SMPDL3A: variants seen among roughly 807,000 people sequenced by gnomAD.
SMPDL3A encodes sphingomyelin phosphodiesterase acid like 3A.
In SMPDL3A, 39 loss-of-function variants were observed where a neutral mutation model predicts 38.5. The observed-to-expected ratio is 1.01, with a 90% confidence interval of 0.78 to 1.32. The LOEUF (loss-of-function observed/expected upper bound fraction) is 1.32. Ranked by LOEUF, SMPDL3A falls within the 40% of genes most tolerant of loss-of-function variation. The pLI is 0.00. For synonymous variants in SMPDL3A, 180 were observed against 194.3 expected (o/e 0.93, Z 0.61); for missense variants, 502 against 536.2 (o/e 0.94, Z 0.63).
chr6:122,789,531 G>C, intron 1 of SMPDL3A, 73 bp downstream of exon 1: 2 of 1,312,100 alleles, frequency 1.5e-6, no homozygotes, highest in Non-Finnish European at 2.1e-6. Context: ...CACAGCAGGA[G>C]AAAGTGCGTG....
chr6:122,804,912 T>A lies in SMPDL3A; in HGVS notation c.742T>A (p.Tyr248Asn), dbSNP rs1487933420. 6.2e-7 allele frequency: 1 copy of A among 1,608,384 alleles called. No individual in the cohort carries two copies. Among genetic ancestry groups the A allele is most frequent in the Non-Finnish European group, 8.5e-7 (1 of 1,178,430 alleles). ...NNSQQNKEKV[Y>N]IIAHVPVGYL... ...CTTTTTGTGTTTCTTTTTCCAGGTG[T>A]ATATCATAGCACATGTTCCAGTGGG... Residue 248 changes from tyrosine to asparagine, a missense_variant, in exon 6 of 8, where the codon TAT becomes AAT. By Grantham distance (143) the Tyr-to-Asn change is moderately radical. Transcript: ENST00000368440.
chr6:122,795,774 C>T lies in SMPDL3A; in HGVS notation c.210C>T (p.Ala70=). ...KVCASSKGAN[A]SNPGPFGDVL... ...GTGCTTCATCTAAAGGTGCAAATGC[C>T]TCCAACCCTGGCCCTTTTGGAGATG... is the stretch of plus-strand genomic sequence containing the variant. Residue 70 remains alanine (A), a synonymous_variant, in exon 2 of 8, where the codon GCC becomes GCT. Transcript: ENST00000368440. 3 of 1,614,110 alleles carry T rather than the reference C, an allele frequency of 1.9e-6. No individual in the cohort carries two copies. The South Asian group carries it at 3.3e-5, about 18-fold the overall frequency.
At chr6:122,805,543 A>T (rs981583863) in intron 6 of SMPDL3A, among the ~76,000 whole-genome samples, 6 of 152,236 alleles carry the variant, frequency 3.9e-5, no homozygotes, top group African/African-American at 1.4e-4. Flanking sequence ...TCTTATTGAT[A>T]CATATATAAG....
At chr6:122,793,484 G>T (rs1398596052) in intron 1 of SMPDL3A, among the ~76,000 whole-genome samples, 1 of 152,152 alleles carries the variant, frequency 6.6e-6, no homozygotes, top group Non-Finnish European at 1.5e-5. Context: ...ACATGTTCAC[G>T]TTAAAATGAT....
chr6:122,809,490 A>G lies in SMPDL3A; in HGVS notation c.*82A>G. 9.6e-7 allele frequency: 1 copy of G among 1,046,538 alleles called. No homozygotes were observed. The highest frequency in any genetic ancestry group is 2.5e-5 in the East Asian group (1 of 40,646). 64.8% of individuals were successfully genotyped at this position (1,046,538 alleles called of 1,614,324 possible). ...GGGAATTTTACATAAATCTTTGTTA[A>G]TTACTGAGTGGGCAAGTAGACTTCC... On this transcript the variant is annotated 3_prime_UTR_variant, in exon 8 of 8. Coordinates refer to ENST00000368440, the MANE Select transcript of SMPDL3A (RefSeq NM_006714.5).
chr6:122,789,701 G>A (rs1781003404), intron 1 of SMPDL3A: 1 of 478,722 alleles, frequency 2.1e-6, no homozygotes, highest in Admixed American at 6.4e-5. Flanking sequence ...CTCGCCGGTG[G>A]GGGCGCTCCA....
chr6:122,808,593 TCCTC>T (rs143524380), intron 7 of SMPDL3A, among the ~76,000 whole-genome samples: 30,950 of 107,476 alleles, frequency 0.29, 5,647 homozygotes, highest in East Asian at 0.55. Flanking sequence ...GAGCCTCCCT[TCCTC>T]CCTCCCTCCC....
Position 122,804,806 on chromosome 6 carries a change from A to G in SMPDL3A, c.739-103A>G. 3.1e-6 allele frequency: 3 copies of G among 960,690 alleles called. 1 individual carries two copies. The highest frequency in any genetic ancestry group is 4.7e-6 in the Non-Finnish European group (3 of 638,332). The allele number at this position is 960,690 out of a possible 1,614,324, so 59.5% of individuals were successfully genotyped here. On this transcript the variant is annotated intron_variant, in intron 5 of 7. Transcript: ENST00000368440. ...AAGAGATGATATATTTGCTTTCTAA[A>G]TTTTAATTAATATACTTTCAATCTT...
intron 1 of SMPDL3A, 82 bp downstream of exon 1, chr6:122,789,540 T>TG: frequency 8.2e-7 from 1 of 1,212,406 alleles, no homozygotes; most frequent in Non-Finnish European, 1.2e-6. Context: ...AGAAAGTGCG[T>TG]GGGGGCAGCT....
intron 1 of SMPDL3A, among the ~76,000 whole-genome samples, chr6:122,792,756 A>G (rs1781119495): frequency 1.4e-5 from 2 of 147,546 alleles, no homozygotes; most frequent in African/African-American, 5.0e-5. Flanking sequence ...TAAGTTTTGT[A>G]TTTTTTGTAG....
intron 7 of SMPDL3A, among the ~76,000 whole-genome samples, chr6:122,808,605 C>CCCTTCCTT (rs1310893418): frequency 1.5e-4 from 10 of 64,714 alleles, no homozygotes; most frequent in Non-Finnish European, 2.6e-4. Context: ...CTCCCTCCCT[C>CCCTTCCTT]CCTCCCTTCC....
At chr6:122,797,910 C>T (rs1781303952) in intron 3 of SMPDL3A, among the ~76,000 whole-genome samples, 1 of 152,172 alleles carries the variant, frequency 6.6e-6, no homozygotes. Flanking sequence ...CTCCACATCC[C>T]TTGGGAGCAG....
Position 122,795,176 on chromosome 6 carries a change from C to G in SMPDL3A, c.113-501C>G, listed in dbSNP as rs539566490. ...TTTTTTTTTGAGACGGAGTCTTGCT[C>G]TGTCGCCCAGGCTGGAGTACAGTGG... On this transcript the variant is annotated intron_variant, in intron 1 of 7. Coordinates refer to ENST00000368440, the MANE Select transcript of SMPDL3A (RefSeq NM_006714.5). 2.6e-3 allele frequency among the ~76,000 whole-genome samples: 389 copies of G among 152,216 alleles called. 1 individual carries two copies. Among genetic ancestry groups the G allele is most frequent in the Non-Finnish European group, 2.8e-3 (190 of 68,014 alleles).
At chr6:122,791,132 C>T (rs924805347) in intron 1 of SMPDL3A, among the ~76,000 whole-genome samples, 1 of 152,212 alleles carries the variant, frequency 6.6e-6, no homozygotes, top group African/African-American at 2.4e-5. Context: ...TTCCTTTCAG[C>T]ATCCACCCTG....
intron 5 of SMPDL3A, 132 bp from the exon 6 acceptor site, chr6:122,804,771 TTATAAA>T: frequency 1.5e-6 from 1 of 683,384 alleles, no homozygotes; most frequent in Admixed American, 3.3e-5. Flanking sequence ...TCTCTTTTTC[TTATAAA>T]TAGAAGAGAT....
intron 7 of SMPDL3A, among the ~76,000 whole-genome samples, chr6:122,807,855 C>T (rs1010686348): frequency 6.6e-6 from 1 of 151,832 alleles, no homozygotes; most frequent in Non-Finnish European, 1.5e-5. Flanking sequence ...TAAATTAGTC[C>T]AAAAGAATTT....
In SMPDL3A at chr6:122,789,470, G is replaced by C. The variant is rs1259647942; in HGVS notation, c.112+12G>C. On this transcript the variant is annotated intron_variant, in intron 1 of 7. Coordinates refer to ENST00000368440, the MANE Select transcript of SMPDL3A (RefSeq NM_006714.5). Reference sequence around the variant, plus strand: ...TCCTCCGGCGATAGGTGAGTTGTCCGCGACCCTTCTCTTCCCAGCCGGCAA... The same window carrying C: ...TCCTCCGGCGATAGGTGAGTTGTCCCCGACCCTTCTCTTCCCAGCCGGCAA... 16 of 1,542,182 alleles carry C rather than the reference G, an allele frequency of 1.0e-5. No individual in the cohort carries two copies. Among genetic ancestry groups the C allele is most frequent in the South Asian group, 3.6e-5 (3 of 83,852 alleles).
At position 122,803,791 on chromosome 6, in the gene SMPDL3A, G is replaced by A. The variant is rs1254072984; in HGVS notation, c.696G>A (p.Trp232Ter). ...CTGACCCAGCCAACCAGTTTGAATG[G>A]CTAGAAAGTACATTGAACAACTCTC... The part of the protein sequence containing the change: ...NKTDPANQFE[W>*]LESTLNNSQQ... Residue 232 changes from tryptophan to a stop codon, truncating the protein, a stop_gained, in exon 5 of 8, where the codon TGG becomes TGA. Coordinates refer to ENST00000368440, the MANE Select transcript of SMPDL3A (RefSeq NM_006714.5). LOFTEE classifies it high-confidence loss of function. 1 of 1,614,000 alleles carries A rather than the reference G, an allele frequency of 6.2e-7. No homozygotes were observed. Among genetic ancestry groups the A allele is most frequent in the South Asian group, 1.1e-5 (1 of 91,074 alleles).
chr6:122,797,204 C>T (rs779824392), intron 3 of SMPDL3A: 34 of 384,118 alleles, frequency 8.9e-5, no homozygotes, highest in Non-Finnish European at 1.3e-4. Context: ...TAAAATTATC[C>T]AGTTTGTGGA....
Sources: allele counts gnomAD v4.1 joint callset (sites outside exome capture counted in the v4.1 genomes callset), GRCh38; gene constraint gnomAD v4.1.1; transcripts MANE v1.5; gene names NCBI Gene and HGNC (gene_info 2026-07-23, HGNC 2026-07-21).